CFAP20DC: variants seen among roughly 807,000 people sequenced by gnomAD.
CFAP20DC encodes protein CFAP20DC.
CFAP20DC carries 84 observed loss-of-function variants against 101.7 expected under a neutral mutation model. That is an observed-to-expected ratio of 0.83 (90% CI 0.69 to 0.99). The LOEUF is 0.99. Ranked by LOEUF, CFAP20DC falls within the 50% of genes least tolerant of loss-of-function variation. The pLI is 0.00. For synonymous variants in CFAP20DC, 359 were observed against 351.2 expected, an observed-to-expected ratio of 1.02 and a Z score of -0.25; for missense variants, 1,007 against 970.3, an observed-to-expected ratio of 1.04 and a Z score of -0.50.
chr3:58,852,950 C>A (rs931941499), intron 12 of CFAP20DC, among the ~76,000 whole-genome samples: 1 of 151,944 alleles, frequency 6.6e-6, no homozygotes, highest in Non-Finnish European at 1.5e-5. Flanking sequence ...TAAACACATA[C>A]GAAAGCTAGC....
intron 4 of CFAP20DC, among the ~76,000 whole-genome samples, chr3:58,980,227 C>T (rs1173151283): frequency 6.6e-6 from 1 of 152,096 alleles, no homozygotes; most frequent in African/African-American, 2.4e-5. Flanking sequence ...AAGTAGCCCT[C>T]CAAACTTGAA....
At chr3:58,832,397 A>G (rs2076459716) in intron 13 of CFAP20DC, among the ~76,000 whole-genome samples, 1 of 152,170 alleles carries the variant, frequency 6.6e-6, no homozygotes, top group Non-Finnish European at 1.5e-5. Flanking sequence ...TGCCTTTCCT[A>G]GGTCTGGTGC....
intron 12 of CFAP20DC, among the ~76,000 whole-genome samples, chr3:58,856,731 T>C (rs185590678): frequency 6.6e-6 from 1 of 152,178 alleles, no homozygotes; most frequent in African/African-American, 2.4e-5. Context: ...CTAGAGAAGA[T>C]GGTAAACAAA....
chr3:58,725,247 C>T (rs184208677), intron 3 of CFAP20DC, among the ~76,000 whole-genome samples: 24 of 152,338 alleles, frequency 1.6e-4, no homozygotes, highest in Non-Finnish European at 2.6e-4. Flanking sequence ...CTCTCAGCTT[C>T]TGTGAGCTGT....
At chr3:58,839,873 A>G (rs890162454) in intron 13 of CFAP20DC, among the ~76,000 whole-genome samples, 1 of 152,212 alleles carries the variant, frequency 6.6e-6, no homozygotes, top group Non-Finnish European at 1.5e-5. Flanking sequence ...GACTACTGCT[A>G]TTCCATACCA....
chr3:58,968,596 T>G (rs2108329717), intron 4 of CFAP20DC, among the ~76,000 whole-genome samples: 1 of 152,328 alleles, frequency 6.6e-6, no homozygotes, highest in East Asian at 1.9e-4. Flanking sequence ...TCCTTATATA[T>G]TCTGGATATA....
At chr3:58,814,843 C>T (rs1345502476) in intron 14 of CFAP20DC, among the ~76,000 whole-genome samples, 1 of 150,590 alleles carries the variant, frequency 6.6e-6, no homozygotes, top group Non-Finnish European at 1.5e-5. Context: ...AACCACTGCT[C>T]AAGGAAATAA....
At position 58,866,557 on chromosome 3, in the gene CFAP20DC, G is replaced by A; in HGVS notation, c.1258+9C>T. The stretch of plus-strand genomic sequence containing the variant: ...TTATTAACAGATATGGTGTAATAAA[G>A]ATGCCAACCTGATTGATCAGGAGAC... On this transcript the variant is annotated intron_variant, in intron 11 of 16. Transcript: ENST00000482387. The A allele has an allele frequency of 1.9e-6, 3 of 1,594,486 alleles. No individual in the cohort carries two copies. The highest frequency in any genetic ancestry group is 2.6e-6 in the Non-Finnish European group (3 of 1,173,554).
At chr3:58,760,922 C>T (rs2069511458) in intron 15 of CFAP20DC, among the ~76,000 whole-genome samples, 1 of 152,174 alleles carries the variant, frequency 6.6e-6, no homozygotes, top group South Asian at 2.1e-4. Context: ...TGATGTGTTG[C>T]TGGATTTGCT....
chr3:58,855,968 T>C (rs1434086361), intron 12 of CFAP20DC, among the ~76,000 whole-genome samples: 1 of 147,576 alleles, frequency 6.8e-6, no homozygotes, highest in Non-Finnish European at 1.5e-5. Flanking sequence ...ACATGTACCC[T>C]AAAACTTAAA....
chr3:59,047,340 T>A (rs570385224), intron 1 of CFAP20DC, 86 bp from the exon 2 acceptor site: 1 of 870,156 alleles, frequency 1.1e-6, no homozygotes, highest in South Asian at 1.7e-5. Context: ...GTTCCCGGCA[T>A]CTGTCAGTTA....
At chr3:58,943,347 C>A (rs1431256785) in intron 4 of CFAP20DC, among the ~76,000 whole-genome samples, 1 of 152,140 alleles carries the variant, frequency 6.6e-6, no homozygotes, top group East Asian at 1.9e-4. Context: ...GGCAGGTGCC[C>A]CTCTGGGATG....
At chr3:58,959,776 A>G (rs919712222) in intron 4 of CFAP20DC, among the ~76,000 whole-genome samples, 1 of 152,184 alleles carries the variant, frequency 6.6e-6, no homozygotes, top group Non-Finnish European at 1.5e-5. Flanking sequence ...CAGCTCATCA[A>G]TTTCGACAAA....
At chr3:58,909,697 T>C (rs1010582006) in intron 6 of CFAP20DC, among the ~76,000 whole-genome samples, 1 of 152,190 alleles carries the variant, frequency 6.6e-6, no homozygotes, top group African/African-American at 2.4e-5. Context: ...TCTTAAAGAC[T>C]TAACTTTCTT....
chr3:58,737,256 A>T (rs781102079), downstream of CFAP20DC: 32 of 456,314 alleles, frequency 7.0e-5, no homozygotes, highest in Non-Finnish European at 1.4e-4. The surrounding 1 kb of genome is among the most constrained non-coding windows in gnomAD (Gnocchi z 4.1). Flanking sequence ...AAGCAAAGAA[A>T]CACACAAAAT....
intron 4 of CFAP20DC, among the ~76,000 whole-genome samples, chr3:58,991,853 G>A (rs1273129035): frequency 6.6e-6 from 1 of 152,106 alleles, no homozygotes; most frequent in African/African-American, 2.4e-5. Flanking sequence ...GTGGCCCAGG[G>A]CTCGGGGACC....
intron 4 of CFAP20DC, among the ~76,000 whole-genome samples, chr3:58,985,299 C>A (rs1286930753): frequency 6.6e-6 from 1 of 152,100 alleles, no homozygotes; most frequent in Non-Finnish European, 1.5e-5. Context: ...CTCTGAGAGT[C>A]CCCATTTCTG....
At chr3:58,776,025 A>T (rs1156353444) in intron 15 of CFAP20DC, among the ~76,000 whole-genome samples, 1 of 152,038 alleles carries the variant, frequency 6.6e-6, no homozygotes, top group African/African-American at 2.4e-5. Context: ...TACAGGCGTG[A>T]GCCACTGTGC....
intron 13 of CFAP20DC, among the ~76,000 whole-genome samples, chr3:58,846,770 C>T (rs1371090933): frequency 1.4e-5 from 2 of 146,408 alleles, no homozygotes; most frequent in Non-Finnish European, 3.0e-5. Context: ...AACTATACTA[C>T]AAGGCTACAG....
Sources: gnomAD v4.1 joint callset for allele counts (sites outside exome capture counted in the v4.1 genomes callset) on GRCh38, gnomAD v4.1.1 for gene constraint, Gnocchi (gnomAD v3.1) non-coding constraint, MANE v1.5 for transcripts, NCBI Gene and HGNC (gene_info 2026-07-23, HGNC 2026-07-21) for gene names.